VPS13B: variants seen among roughly 807,000 people sequenced by gnomAD.
The protein encoded by VPS13B is intermembrane lipid transfer protein VPS13B.
Under a neutral mutation model 426.4 loss-of-function variants are expected in VPS13B, and 285 were observed. The ratio of observed to expected loss-of-function variants is 0.67; its 90% CI spans 0.61 to 0.74. The LOEUF is 0.74. VPS13B is among the 30% of genes least tolerant of loss of function. The probability of loss-of-function intolerance (pLI) is 0.00; values close to 1 mark genes in which losing one functional copy is unlikely to be tolerated. For synonymous variants in VPS13B, 1,676 were observed against 1,676.4 expected, an observed-to-expected ratio of 1.00 and a Z score of 0.01; for missense variants, 4,537 against 4,782.6, an observed-to-expected ratio of 0.95 and a Z score of 1.51.
chr8:99,017,500 A>AT (rs749949190), intron 2 of VPS13B, among the ~76,000 whole-genome samples: 3,033 of 146,566 alleles, frequency 0.021, 122 homozygotes, highest in African/African-American at 0.07. Context: ...TTATTTTTTT[A>AT]TTTTTATTTT....
At chr8:99,609,024 T>G (rs988215397) in intron 33 of VPS13B, among the ~76,000 whole-genome samples, 9 of 152,162 alleles carry the variant, frequency 5.9e-5, no homozygotes, top group African/African-American at 1.9e-4. Flanking sequence ...AGGAATATAC[T>G]TAGAAATAAA....
chr8:99,525,892 A>C (rs1822613303), intron 30 of VPS13B, among the ~76,000 whole-genome samples: 1 of 152,192 alleles, frequency 6.6e-6, no homozygotes, highest in African/African-American at 2.4e-5. Context: ...AAGTAAGAGA[A>C]GCCAGTGGTG....
chr8:99,215,550 A>G (rs1173405928), intron 17 of VPS13B, among the ~76,000 whole-genome samples: 1 of 152,164 alleles, frequency 6.6e-6, no homozygotes, highest in Non-Finnish European at 1.5e-5. Context: ...AGAGGAAAAG[A>G]CATAGGTTGA....
At chr8:99,296,142 A>G (rs1205757472) in intron 19 of VPS13B, among the ~76,000 whole-genome samples, 1 of 152,210 alleles carries the variant, frequency 6.6e-6, no homozygotes, top group Non-Finnish European at 1.5e-5. Flanking sequence ...GTTGGGGACC[A>G]TCTGTACATT....
chr8:99,873,996 T>A (rs1038763155), intron 61 of VPS13B, among the ~76,000 whole-genome samples: 9 of 152,250 alleles, frequency 5.9e-5, no homozygotes, highest in Non-Finnish European at 1.2e-4. Flanking sequence ...GTAGATGACA[T>A]CATGCAGTAC....
intron 30 of VPS13B, among the ~76,000 whole-genome samples, chr8:99,550,578 C>T (rs1824227721): frequency 6.6e-6 from 1 of 150,866 alleles, no homozygotes; most frequent in Non-Finnish European, 1.5e-5. Context: ...CTATTTTTGG[C>T]TTTGTTGATC....
At chr8:99,306,447 G>T (rs1169772267) in intron 19 of VPS13B, among the ~76,000 whole-genome samples, 1 of 152,022 alleles carries the variant, frequency 6.6e-6, no homozygotes, top group Non-Finnish European at 1.5e-5. Context: ...CCCATTAGAA[G>T]TTGATAGAAT....
chr8:99,449,011 T>C (rs1369293701), intron 23 of VPS13B, among the ~76,000 whole-genome samples: 1 of 152,114 alleles, frequency 6.6e-6, no homozygotes, highest in Non-Finnish European at 1.5e-5. Flanking sequence ...TCTTAGTAAG[T>C]ATAGAGGATG....
At chr8:99,591,054 C>T (rs1814034176) in intron 33 of VPS13B, among the ~76,000 whole-genome samples, 2 of 151,786 alleles carry the variant, frequency 1.3e-5, no homozygotes, top group African/African-American at 4.8e-5. Context: ...GTATAGTTAG[C>T]TCTTCTTGTT....
chr8:99,582,380 A>G (rs1032931695), intron 33 of VPS13B, among the ~76,000 whole-genome samples: 4 of 152,114 alleles, frequency 2.6e-5, no homozygotes, highest in African/African-American at 4.8e-5. Context: ...ATTTATTTCC[A>G]TATTTCTAAA....
At chr8:99,032,461 T>C (rs953589284) in intron 2 of VPS13B, among the ~76,000 whole-genome samples, 1 of 152,030 alleles carries the variant, frequency 6.6e-6, no homozygotes, top group African/African-American at 2.4e-5. Context: ...TAAATTGATA[T>C]TTTTGATGTT....
intron 21 of VPS13B, among the ~76,000 whole-genome samples, chr8:99,402,574 C>T (rs931889905): frequency 6.6e-6 from 1 of 152,022 alleles, no homozygotes; most frequent in Non-Finnish European, 1.5e-5. Flanking sequence ...CCTGCAGATC[C>T]CAAGGAGCCA....
At chr8:99,746,219 A>AT (rs1045895149) in intron 39 of VPS13B, among the ~76,000 whole-genome samples, 6 of 152,058 alleles carry the variant, frequency 3.9e-5, no homozygotes, top group South Asian at 2.1e-4. Context: ...TTTGAACTGG[A>AT]TTTTTTGGAA....
intron 29 of VPS13B, among the ~76,000 whole-genome samples, chr8:99,520,389 TTGTGTGTGTGTGTG>T (rs140216567): frequency 6.5e-5 from 9 of 138,496 alleles, no homozygotes; most frequent in South Asian, 4.8e-4. Context: ...GTGATATACT[TTGTGTGTGTGTGTG>T]TGTGTGTGTG....
chr8:99,812,001 A>G (rs899372044), intron 44 of VPS13B, among the ~76,000 whole-genome samples: 5 of 152,204 alleles, frequency 3.3e-5, no homozygotes, highest in African/African-American at 1.2e-4. Flanking sequence ...TTGAATAGAT[A>G]CTATATATTT....
chr8:99,140,638 C>G (rs932726190), intron 12 of VPS13B, among the ~76,000 whole-genome samples: 38 of 144,962 alleles, frequency 2.6e-4, no homozygotes, highest in Non-Finnish European at 4.7e-4. Context: ...CCTCCTCCTC[C>G]CCCTCCTTGC....
intron 35 of VPS13B, among the ~76,000 whole-genome samples, chr8:99,688,618 G>C (rs1831516867): frequency 6.6e-6 from 1 of 152,026 alleles, no homozygotes; most frequent in Non-Finnish European, 1.5e-5. Context: ...GAGCCTGTGA[G>C]AGTTCAGGAG....
chr8:99,048,269 A>T (rs1330367531), intron 3 of VPS13B, among the ~76,000 whole-genome samples: 3 of 152,182 alleles, frequency 2.0e-5, no homozygotes, highest in African/African-American at 7.2e-5. Flanking sequence ...GTGGCCTCTC[A>T]TATGGACTAT....
At position 99,014,796 on chromosome 8, in the gene VPS13B, T is replaced by G. The variant is rs764164147; in HGVS notation, c.147+861T>G. Among the ~76,000 whole-genome samples the G allele has an allele frequency of 2.2e-4, 34 of 151,808 alleles. 1 individual carries two copies. The highest frequency in any genetic ancestry group is 4.9e-4 in the Non-Finnish European group (33 of 67,916). On this transcript the variant is annotated intron_variant, in intron 2 of 61. Coordinates refer to ENST00000357162, the MANE Select transcript of VPS13B (RefSeq NM_152564.5). ...AGATACATTGAGAATGGCAGTAAAA[T>G]TGGAAACTTCTTTATTAATCGTTTT...
Sources: allele counts gnomAD v4.1 joint callset (sites outside exome capture counted in the v4.1 genomes callset), GRCh38; gene constraint gnomAD v4.1.1; transcripts MANE v1.5; gene names NCBI Gene and HGNC (gene_info 2026-07-23, HGNC 2026-07-21).